Variants in TRPM3 observed in about 807,000 individuals in gnomAD.
The protein encoded by TRPM3 is transient receptor potential cation channel subfamily M member 3.
In TRPM3, 77 loss-of-function variants were observed where a neutral mutation model predicts 181.2. That is an observed-to-expected ratio of 0.42 (90% confidence interval 0.35 to 0.51). TRPM3 has a LOEUF of 0.51. TRPM3 is among the 20% of genes least tolerant of loss of function. TRPM3 has a pLI of 0.01. For missense variants in TRPM3, 1,759 were observed against 2,196.7 expected, an observed-to-expected ratio of 0.80 and a Z score of 3.98; for synonymous variants, 745 against 796.4, an observed-to-expected ratio of 0.94 and a Z score of 1.09.
At chr9:70,892,334 T>C (rs768615935) in intron 1 of TRPM3, among the ~76,000 whole-genome samples, 1 of 152,122 alleles carries the variant, frequency 6.6e-6, no homozygotes, top group Non-Finnish European at 1.5e-5. Context: ...AAGGCATCTG[T>C]AAATTCGTAG....
At chr9:71,272,661 C>A (rs142272431) in intron 1 of TRPM3, among the ~76,000 whole-genome samples, 150 of 152,150 alleles carry the variant, frequency 9.9e-4, no homozygotes, top group African/African-American at 3.5e-3. Flanking sequence ...GAAATTCACC[C>A]ATTTGTGTAA....
At chr9:71,136,544 T>G (rs1337617671) in intron 1 of TRPM3, among the ~76,000 whole-genome samples, 1 of 152,232 alleles carries the variant, frequency 6.6e-6, no homozygotes, top group African/African-American at 2.4e-5. Flanking sequence ...ACACATTTAA[T>G]ATCCTCCTCC....
intron 22 of TRPM3, among the ~76,000 whole-genome samples, chr9:70,559,958 A>G (rs1333979261): frequency 6.6e-6 from 1 of 152,218 alleles, no homozygotes; most frequent in East Asian, 1.9e-4. Flanking sequence ...GTATTTTAAA[A>G]GATAGCTTTA....
chr9:71,400,732 C>T (rs2093322595), intron 1 of TRPM3, among the ~76,000 whole-genome samples: 1 of 151,406 alleles, frequency 6.6e-6, no homozygotes, highest in Admixed American at 6.6e-5. Flanking sequence ...TAATACTGTA[C>T]CAAAAGCAAA....
intron 1 of TRPM3, among the ~76,000 whole-genome samples, chr9:71,021,084 T>C (rs1320803073): frequency 6.6e-6 from 1 of 152,188 alleles, no homozygotes; most frequent in Non-Finnish European, 1.5e-5. Flanking sequence ...ACTATATGAA[T>C]GTCTTTCACT....
At chr9:71,287,195 T>C (rs1034495345) in intron 1 of TRPM3, among the ~76,000 whole-genome samples, 15 of 149,632 alleles carry the variant, frequency 1.0e-4, no homozygotes, top group African/African-American at 3.4e-4. Context: ...AGTATCGGGA[T>C]GCCCATCCTC....
At chr9:70,644,543 T>A (rs1247832410) in intron 9 of TRPM3, among the ~76,000 whole-genome samples, 2 of 152,270 alleles carry the variant, frequency 1.3e-5, no homozygotes, top group African/African-American at 4.8e-5. Flanking sequence ...AACTAGGTAT[T>A]GATGGAATGT....
chr9:71,156,723 G>A (rs1329772), intron 1 of TRPM3, among the ~76,000 whole-genome samples: 144,400 of 152,148 alleles, frequency 0.95, 68,708 homozygotes, highest in East Asian at 1. Context: ...ATTCTTTAAG[G>A]TTCTTAAGAG....
At chr9:70,925,627 C>G (rs1430292730) in intron 1 of TRPM3, among the ~76,000 whole-genome samples, 1 of 152,046 alleles carries the variant, frequency 6.6e-6, no homozygotes, top group Non-Finnish European at 1.5e-5. Context: ...ATGCAGCTTT[C>G]TTACTTCCCA....
chr9:70,795,616 C>T (rs567588585), intron 6 of TRPM3, among the ~76,000 whole-genome samples: 3 of 152,216 alleles, frequency 2.0e-5, no homozygotes, highest in Admixed American at 1.3e-4. Flanking sequence ...TTGCATCACG[C>T]CCCGAACGTC....
At chr9:70,565,644 C>T (rs1324697388) in intron 22 of TRPM3, among the ~76,000 whole-genome samples, 5 of 48,582 alleles carry the variant, frequency 1.0e-4, no homozygotes, top group Admixed American at 2.7e-4. Context: ...AAGTGAATTG[C>T]GGTGGGGGCG....
At position 70,646,887 on chromosome 9, in the gene TRPM3, A is replaced by AAAC. The variant is rs1554800464; in HGVS notation, c.1346-6228_1346-6227insGTT. 2.7e-3 allele frequency among the ~76,000 whole-genome samples: 397 copies of AAAC among 147,628 alleles called. 3 individuals carry two copies. Among genetic ancestry groups the AAAC allele is most frequent in the African/African-American group, 8.1e-3 (322 of 39,942 alleles). On this transcript the variant is annotated intron_variant, in intron 9 of 25. Coordinates refer to ENST00000677713, the MANE Select transcript of TRPM3 (RefSeq NM_001366145.2). ...CCCCATGGAAGTACAAAAAAAAAAA[A>AAAC]AAAACCCTCAGAGTCTATTAGGGAC...
At chr9:70,833,950 G>T (rs370837986) in intron 5 of TRPM3, among the ~76,000 whole-genome samples, 1 of 152,018 alleles carries the variant, frequency 6.6e-6, no homozygotes, top group Non-Finnish European at 1.5e-5. Context: ...GAACCTCTGC[G>T]TCTGAGATAA....
intron 1 of TRPM3, among the ~76,000 whole-genome samples, chr9:70,923,784 A>AAC (rs34727893): frequency 0.27 from 35,252 of 132,258 alleles, 4,683 homozygotes; most frequent in Admixed American, 0.31. Context: ...CAACACAAAT[A>AAC]ACACACACAC....
At chr9:70,893,090 CAG>C (rs990760729) in intron 1 of TRPM3, among the ~76,000 whole-genome samples, 15 of 152,188 alleles carry the variant, frequency 9.9e-5, no homozygotes, top group African/African-American at 3.6e-4. Context: ...TTCCCCAAAG[CAG>C]AGTCTCCTGT....
At chr9:71,155,569 G>C (rs2075958929) in intron 1 of TRPM3, among the ~76,000 whole-genome samples, 1 of 147,738 alleles carries the variant, frequency 6.8e-6, no homozygotes, top group Non-Finnish European at 1.5e-5. Context: ...TGGCCAGGCT[G>C]GTCTTGAACT....
At chr9:70,687,179 T>A (rs894972726) in intron 8 of TRPM3, among the ~76,000 whole-genome samples, 1 of 152,170 alleles carries the variant, frequency 6.6e-6, no homozygotes, top group Non-Finnish European at 1.5e-5. Flanking sequence ...CTTTTCCCTC[T>A]CCCTTCATGA....
Position 71,121,303 on chromosome 9 carries a change from T to G in TRPM3, c.52A>C (p.Ser18Arg). The G allele has an allele frequency of 6.2e-7, 1 of 1,613,808 alleles. No individual in the cohort carries two copies. Among genetic ancestry groups the G allele is most frequent in the Middle Eastern group, 1.6e-4 (1 of 6,062 alleles). The change falls in exon 1 of 26, where the codon AGT (serine) becomes CGT (arginine). Residue 18 changes from serine to arginine, a missense_variant. Coordinates refer to ENST00000677713, the MANE Select transcript of TRPM3 (RefSeq NM_001366145.2). ...AAATTCCACCAGGAAAACAAGAAAC[T>G]GAAAACCTGAGCAATGCCTAGAAAA... is the stretch of plus-strand genomic sequence containing the variant. ...VYFLGIAQVF[S>R]FLFSWWNLEG...
intron 18 of TRPM3, among the ~76,000 whole-genome samples, chr9:70,614,617 C>T (rs891361581): frequency 1.3e-5 from 2 of 152,152 alleles, no homozygotes; most frequent in African/African-American, 2.4e-5. Flanking sequence ...TATTAGTTCA[C>T]AGTGTGCCAG....
Sources: gnomAD v4.1 joint callset for allele counts (sites outside exome capture counted in the v4.1 genomes callset) on GRCh38, gnomAD v4.1.1 for gene constraint, MANE v1.5 for transcripts, NCBI Gene and HGNC (gene_info 2026-07-23, HGNC 2026-07-21) for gene names.